The following KCNC4 variants were observed in gnomAD, a reference collection of about 807,000 sequenced individuals.
The protein encoded by KCNC4 is voltage-gated potassium channel KCNC4.
A neutral mutation model predicts 42.8 loss-of-function variants in KCNC4; 23 were observed. The observed-to-expected ratio is 0.54, with a 90% CI of 0.39 to 0.76. The LOEUF (loss-of-function observed/expected upper bound fraction) is 0.76, where lower values mean the gene tolerates loss of function less well. Ranked by LOEUF, KCNC4 falls within the 30% of genes least tolerant of loss-of-function variation. The pLI is 0.00. For synonymous variants in KCNC4, 422 were observed against 393.5 expected (o/e 1.07, Z -0.86); for missense variants, 751 against 898.2 (o/e 0.84, Z 2.10).
rs761468792 is a variant in KCNC4, at chr1:110,211,648, A to G, written c.149A>G (p.Tyr50Cys). Residue 50 changes from tyrosine to cysteine, a missense_variant, in exon 1 of 4, where the codon TAC becomes TGC. Tyr to Cys is a radical substitution (Grantham distance 194, BLOSUM62 -2). This residue lies in a region of KCNC4 where 183 missense variants were observed against 255.8 expected (regional missense o/e 0.72). Transcript: ENST00000438661. The surrounding 1 kb of genome is among the most constrained non-coding windows in gnomAD (Gnocchi z 6.5). ...GTGGGCGGCACGCGACATGAGACCT[A>G]CCGCAGCACCCTGCGCACCCTACCG... ...INVGGTRHET[Y>C]RSTLRTLPGT... 6.2e-7 allele frequency: 1 copy of G among 1,613,548 alleles called. No individual in the cohort carries two copies. The highest frequency in any genetic ancestry group is 8.5e-7 in the Non-Finnish European group (1 of 1,179,870).
intron 1 of KCNC4, among the ~76,000 whole-genome samples, chr1:110,264,899 C>T (rs191287405): frequency 8.6e-5 from 13 of 151,900 alleles, no homozygotes; most frequent in Non-Finnish European, 1.8e-4. Context: ...CTGGTCAACA[C>T]GGTGAAACCC....
intron 3 of KCNC4, among the ~76,000 whole-genome samples, chr1:110,229,319 C>T (rs551924200): frequency 2.0e-5 from 3 of 152,120 alleles, no homozygotes; most frequent in East Asian, 1.9e-4. Context: ...TGGCTTGGGG[C>T]GCAGGTAGGG....
At chr1:110,227,409 C>A (rs540148843) in intron 3 of KCNC4, among the ~76,000 whole-genome samples, 42 of 152,338 alleles carry the variant, frequency 2.8e-4, no homozygotes, top group African/African-American at 9.1e-4. Flanking sequence ...AGGTGTGTGT[C>A]CAGCTTTGTT....
rs1175900129 is a variant in KCNC4 at position 110,212,070 on chromosome 1, C to G, written c.571C>G (p.Pro191Ala). The change falls in exon 1 of 4, where the codon CCC (proline) becomes GCC (alanine). Residue 191 changes from proline (P) to alanine (A), a missense_variant. Physicochemically the swap from Pro to Ala is conservative, Grantham distance 27. This residue lies in a region of KCNC4 where 181 missense variants were observed against 167.3 expected (regional missense o/e 1.08). Coordinates refer to ENST00000438661, the MANE Select transcript of KCNC4 (RefSeq NM_001039574.3). Reference sequence around the variant, plus strand: ...GGAGCTGGCCCTGCAGCGACTGGGCCCCCACGAGGGAGGCGCGGGCCATGG... The same window carrying G: ...GGAGCTGGCCCTGCAGCGACTGGGCGCCCACGAGGGAGGCGCGGGCCATGG... ...ERELALQRLGPHEGGAGHGAG... is the reference protein window; with the variant it reads ...ERELALQRLGAHEGGAGHGAG... 6.5e-7 allele frequency: 1 copy of G among 1,547,664 alleles called. No homozygotes were observed. Among genetic ancestry groups the G allele is most frequent in the Non-Finnish European group, 8.7e-7 (1 of 1,153,512 alleles).
At position 110,257,511 on chromosome 1, in the gene KCNC4, C is replaced by G. The variant is rs530453238; in HGVS notation, n.31-25023C>G. Among the ~76,000 whole-genome samples, 13 of 151,286 alleles carry G rather than the reference C, an allele frequency of 8.6e-5. No individual in the cohort carries two copies. The South Asian group carries it at 1.7e-3, about 19-fold the overall frequency. On this transcript the variant is annotated intron_variant and non_coding_transcript_variant, in intron 1 of 2. Transcript: ENST00000412512. The stretch of plus-strand genomic sequence containing the variant: ...CGGGTGGATCACGAGGTCAGGAGAT[C>G]GAGACCATCCTGGCTAACATGGTGA...
intron 1 of KCNC4, among the ~76,000 whole-genome samples, chr1:110,259,701 G>T (rs1484727543): frequency 2.9e-5 from 2 of 68,820 alleles, no homozygotes; most frequent in African/African-American, 1.8e-4. Flanking sequence ...GGATGGTGGG[G>T]CAGGAGCTAG....
At chr1:110,227,212 A>C (rs1218704993) in intron 3 of KCNC4, among the ~76,000 whole-genome samples, 5 of 152,188 alleles carry the variant, frequency 3.3e-5, no homozygotes, top group Non-Finnish European at 5.9e-5. Context: ...AGGTTGAGTG[A>C]GGAAGGGGCA....
intron 1 of KCNC4, among the ~76,000 whole-genome samples, chr1:110,256,004 T>G (rs920546633): frequency 6.6e-6 from 1 of 152,172 alleles, no homozygotes; most frequent in African/African-American, 2.4e-5. Context: ...AGAGGCTAGT[T>G]CTGGCAAACA....
intron 1 of KCNC4, chr1:110,272,697 G>GAGAGGAAA (rs56412588): frequency 0.55 from 82,266 of 150,938 alleles, 22,704 homozygotes; most frequent in Admixed American, 0.62. Context: ...GTTAGGGTGA[G>GAGAGGAAA]AGAGGAAAAG....
At chr1:110,275,830 C>T (rs56106513) in intron 1 of KCNC4, among the ~76,000 whole-genome samples, 2,889 of 151,936 alleles carry the variant, frequency 0.019, 42 homozygotes, top group Admixed American at 0.031. Flanking sequence ...TGGTGGCACA[C>T]GCCTCTAGTC....
chr1:110,214,364 T>G (rs1657665755), intron 1 of KCNC4, among the ~76,000 whole-genome samples: 1 of 152,194 alleles, frequency 6.6e-6, no homozygotes, highest in Non-Finnish European at 1.5e-5. Context: ...TGGATGGAGC[T>G]CTGGCCAACA....
chr1:110,283,118 T>C (rs1047363723), downstream of KCNC4: 2 of 152,054 alleles, frequency 1.3e-5, no homozygotes, highest in African/African-American at 4.8e-5. Flanking sequence ...AAGAGGTAAA[T>C]TTCAAGGAGT....
chr1:110,218,415 G>A (rs1357024278), intron 1 of KCNC4, among the ~76,000 whole-genome samples: 2 of 152,080 alleles, frequency 1.3e-5, no homozygotes, highest in African/African-American at 4.8e-5. Flanking sequence ...CTGTTCAGGT[G>A]TCACCTTGTC....
chr1:110,239,231 T>G (rs1162285323), exon 4 of KCNC4: 1 of 152,482 alleles, frequency 6.6e-6, no homozygotes, highest in Non-Finnish European at 1.5e-5. Flanking sequence ...GCCCCTGCTC[T>G]CAGCCCCTGA....
At chr1:110,232,879 C>T in intron 3 of KCNC4, 32 bp from the exon 4 acceptor site, 1 of 1,600,624 alleles carries the variant, frequency 6.2e-7, no homozygotes, top group South Asian at 1.1e-5. Context: ...GCGTGCGTCC[C>T]AGTGTCTCAC....
rs1264715769 is a variant in KCNC4 at position 110,211,231 on chromosome 1, T to G, written c.-269T>G. 1 of 497,026 alleles carries G rather than the reference T, an allele frequency of 2.0e-6. No homozygotes were observed. The highest frequency in any genetic ancestry group is 2.1e-5 in the African/African-American group (1 of 48,136). The allele number at this position is 497,026 out of a possible 1,614,324, so 30.8% of individuals were successfully genotyped here. On this transcript the variant is annotated 5_prime_UTR_variant, in exon 1 of 4. Transcript: ENST00000438661. The surrounding 1 kb of genome is among the most constrained non-coding windows in gnomAD (Gnocchi z 6.5). Reference sequence around the variant, plus strand: ...AGCGGGGGACCGCGTGTGTGCTTGCTTCTACTTCCCCGGGTCCTCCCTCTC... The same window carrying G: ...AGCGGGGGACCGCGTGTGTGCTTGCGTCTACTTCCCCGGGTCCTCCCTCTC...
downstream of KCNC4, among the ~76,000 whole-genome samples, chr1:110,252,023 G>C (rs921155085): frequency 2.0e-5 from 3 of 152,206 alleles, no homozygotes; most frequent in African/African-American, 7.2e-5. Flanking sequence ...CCCTTCTGAT[G>C]AGGGGCTAAA....
chr1:110,266,396 C>G (rs1465017344), intron 1 of KCNC4, among the ~76,000 whole-genome samples: 1 of 152,174 alleles, frequency 6.6e-6, no homozygotes, highest in Non-Finnish European at 1.5e-5. Flanking sequence ...ACATCACTTT[C>G]CTAATGAGAA....
At chr1:110,273,469 G>A (rs937413429) in intron 1 of KCNC4, among the ~76,000 whole-genome samples, 1 of 152,158 alleles carries the variant, frequency 6.6e-6, no homozygotes, top group Non-Finnish European at 1.5e-5. Flanking sequence ...GGGACCCTGG[G>A]TTATCATCTC....
Sources: allele counts gnomAD v4.1 joint callset (sites outside exome capture counted in the v4.1 genomes callset), GRCh38; gene constraint gnomAD v4.1.1; regional missense constraint gnomAD v4.1.1; non-coding constraint Gnocchi (gnomAD v3.1); transcripts MANE v1.5; gene names NCBI Gene and HGNC (gene_info 2026-07-23, HGNC 2026-07-21).